PLPP2: variants seen among roughly 807,000 people sequenced by gnomAD.
PLPP2 encodes the protein PAP2-gamma.
A neutral mutation model predicts 35.2 loss-of-function variants in PLPP2; 29 were observed. That is an observed-to-expected ratio of 0.82 (90% CI 0.61 to 1.12). The LOEUF (loss-of-function observed/expected upper bound fraction) is 1.12, where lower values mean the gene tolerates loss of function less well. PLPP2 is among the 50% of genes most tolerant of loss of function. The pLI is 0.00. For synonymous variants in PLPP2, 162 were observed against 167.0 expected, an observed-to-expected ratio of 0.97 and a Z score of 0.23; for missense variants, 353 against 375.2, an observed-to-expected ratio of 0.94 and a Z score of 0.49.
rs201440917 is a variant in PLPP2, at chr19:282,795, G to T, written c.497C>A (p.Ser166Ter). ...GTACATCCCAAAGGAAGAGTGTCCCGAGTAGAAAGACAACCTGAGGAAGGA... is the reference window on the plus strand; with the variant it reads ...GTACATCCCAAAGGAAGAGTGTCCCTAGTAGAAAGACAACCTGAGGAAGGA... Reference protein sequence around the residue: ...DVTEARLSFYSGHSSFGMYCM... With the variant: ...DVTEARLSFY Residue 166 changes from serine (S) to a stop codon, truncating the protein, a stop_gained, in exon 4 of 6, where the codon TCG (serine) becomes TAG (stop). Coordinates refer to ENST00000434325, the MANE Select transcript of PLPP2 (RefSeq NM_003712.4). LOFTEE classifies it high-confidence loss of function. 2 of 1,613,574 alleles carry T rather than the reference G, an allele frequency of 1.2e-6. No individual in the cohort carries two copies. Among genetic ancestry groups the T allele is most frequent in the African/African-American group, 2.7e-5 (2 of 74,818 alleles).
Sources: gnomAD v4.1 joint callset for allele counts on GRCh38, gnomAD v4.1.1 for gene constraint, MANE v1.5 for transcripts, NCBI Gene and HGNC (gene_info 2026-07-23, HGNC 2026-07-21) for gene names.